The following GALNT9 variants were observed in gnomAD, a reference collection of about 807,000 sequenced individuals.
GALNT9 encodes polypeptide N-acetylgalactosaminyltransferase 9.
GALNT9 carries 47 observed loss-of-function variants against 63.1 expected under a neutral mutation model. The observed-to-expected ratio is 0.75, with a 90% CI of 0.59 to 0.95. The LOEUF is 0.95. Among genes scored for constraint, GALNT9 ranks in the 40% least tolerant of loss-of-function variants. The pLI is 0.00. For synonymous variants in GALNT9, 396 were observed against 365.7 expected (o/e 1.08, Z -0.94); for missense variants, 829 against 874.8 (o/e 0.95, Z 0.66).
chr12:132,304,349 A>G (rs1593116470), intron 1 of GALNT9, among the ~76,000 whole-genome samples: 2 of 96,696 alleles, frequency 2.1e-5, no homozygotes, highest in Non-Finnish European at 4.2e-5. Flanking sequence ...GCCTGGGCAC[A>G]CCCTCACCCG....
intron 5 of GALNT9, among the ~76,000 whole-genome samples, chr12:132,255,550 T>C (rs576029847): frequency 3.5e-4 from 54 of 152,366 alleles, no homozygotes; most frequent in Non-Finnish European, 6.9e-4. Context: ...TCATAAAACC[T>C]CGGTCTCCAC....
Position 132,311,104 on chromosome 12 carries a change from T to C in GALNT9, c.238+17862A>G, listed in dbSNP as rs545495451. Among the ~76,000 whole-genome samples the C allele has an allele frequency of 5.3e-5, 8 of 152,138 alleles. No individual in the cohort carries two copies. In the East Asian group the frequency reaches 1.5e-3, roughly 29 times the overall value. On this transcript the variant is annotated intron_variant, in intron 1 of 10. Transcript: ENST00000328957. ...AACAACATCAACTTCTAAAAAGCAA[T>C]AAATACCTGACAAGATGGCAAGAAA...
chr12:132,319,949 AG>A lies in GALNT9; in HGVS notation c.238+9016del, dbSNP rs548497697. Among the ~76,000 whole-genome samples, 1 of 152,298 alleles carries A rather than the reference AG, an allele frequency of 6.6e-6. No individual in the cohort carries two copies. The highest frequency in any genetic ancestry group is 2.1e-4 in the South Asian group (1 of 4,824). ...CACGAGGCAGGCGCTCCTAAGGAAA[AG>A]GGGGCGGCCAGCGGCCCCCACCGCT... On this transcript the variant is annotated intron_variant, in intron 1 of 10. Coordinates refer to ENST00000328957, the MANE Select transcript of GALNT9 (RefSeq NM_001122636.2). The surrounding 1 kb of genome is among the most constrained non-coding windows in gnomAD (Gnocchi z 5.2).
intron 7 of GALNT9, among the ~76,000 whole-genome samples, chr12:132,201,468 A>G (rs1876107649): frequency 6.6e-6 from 1 of 152,058 alleles, no homozygotes; most frequent in African/African-American, 2.4e-5. Flanking sequence ...CCTGATGGGA[A>G]GGACCCTGCC....
chr12:132,228,314 C>T (rs1475370769), intron 6 of GALNT9, among the ~76,000 whole-genome samples: 1 of 151,852 alleles, frequency 6.6e-6, no homozygotes, highest in East Asian at 1.9e-4. Context: ...CACTCCCTTT[C>T]CCTGAGTGTG....
chr12:132,254,320 T>C (rs1377783160), intron 5 of GALNT9, among the ~76,000 whole-genome samples: 3 of 152,244 alleles, frequency 2.0e-5, no homozygotes, highest in Non-Finnish European at 2.9e-5. Context: ...CCTCCGCTGC[T>C]TTTAATATGC....
At chr12:132,263,569 C>G (rs570214145) in intron 2 of GALNT9, among the ~76,000 whole-genome samples, 2 of 152,168 alleles carry the variant, frequency 1.3e-5, no homozygotes, top group Non-Finnish European at 2.9e-5. Context: ...GGTGGCCCCC[C>G]TCACCGTCCT....
At chr12:132,317,569 G>T (rs532211590) in intron 1 of GALNT9, among the ~76,000 whole-genome samples, 1 of 152,262 alleles carries the variant, frequency 6.6e-6, no homozygotes, top group Admixed American at 6.5e-5. Flanking sequence ...TCTGTTAAAA[G>T]CATTAATTTG....
intron 6 of GALNT9, among the ~76,000 whole-genome samples, chr12:132,210,268 G>A (rs1876896388): frequency 6.6e-6 from 1 of 152,252 alleles, no homozygotes; most frequent in Admixed American, 6.5e-5. Context: ...TGTACATTCA[G>A]GACTGACGTT....
At chr12:132,312,313 G>A (rs1246608213) in intron 1 of GALNT9, among the ~76,000 whole-genome samples, 1 of 152,230 alleles carries the variant, frequency 6.6e-6, no homozygotes, top group African/African-American at 2.4e-5. Flanking sequence ...AAGTATCTGG[G>A]GAGAAGGATT....
chr12:132,307,206 T>C (rs1473573121), intron 1 of GALNT9, among the ~76,000 whole-genome samples: 2 of 152,060 alleles, frequency 1.3e-5, no homozygotes, highest in African/African-American at 4.8e-5. Context: ...GGGACTCGGG[T>C]CCAGAGATGC....
chr12:132,240,787 C>A, intron 6 of GALNT9: 1 of 449,504 alleles, frequency 2.2e-6, no homozygotes, highest in Non-Finnish European at 4.5e-6. Context: ...ATGATCTATA[C>A]ATGTTTACAC....
intron 2 of GALNT9, among the ~76,000 whole-genome samples, chr12:132,271,563 G>A (rs1555240722): frequency 6.6e-6 from 1 of 152,092 alleles, no homozygotes; most frequent in Non-Finnish European, 1.5e-5. Context: ...CGACGTGGGT[G>A]TGACAAGTGT....
intron 1 of GALNT9, among the ~76,000 whole-genome samples, chr12:132,301,666 A>C (rs1258855608): frequency 6.6e-6 from 1 of 152,240 alleles, no homozygotes; most frequent in African/African-American, 2.4e-5. Context: ...CCCTTGGAGG[A>C]GGGACCTGGG....
intron 2 of GALNT9, among the ~76,000 whole-genome samples, chr12:132,268,119 CCACACACACACTCACG>C (rs1879717990): frequency 7.1e-6 from 1 of 141,430 alleles, no homozygotes; most frequent in Non-Finnish European, 1.5e-5. Context: ...ACACACAAAC[CCACACACACACTCACG>C]CTCACACACA....
chr12:132,271,286 GGGA>G (rs1879856322), intron 2 of GALNT9, among the ~76,000 whole-genome samples: 1 of 151,778 alleles, frequency 6.6e-6, no homozygotes, highest in African/African-American at 2.4e-5. Context: ...CGAGGGTGGG[GGGA>G]GGAGGAGACA....
rs782186535 is a variant in GALNT9, at chr12:132,262,452, C to T, written c.586+7G>A. On this transcript the variant is annotated splice_region_variant and intron_variant, in intron 3 of 10. Coordinates refer to ENST00000328957, the MANE Select transcript of GALNT9 (RefSeq NM_001122636.2). ...GCGAGCACCGTGCCGAGGCCCCGCCCACTCACCGTTGTCACTGTTGTCGTC... is the reference window on the plus strand; with the variant it reads ...GCGAGCACCGTGCCGAGGCCCCGCCTACTCACCGTTGTCACTGTTGTCGTC... 7 of 1,548,046 alleles carry T rather than the reference C, an allele frequency of 4.5e-6. No homozygotes were observed. Among genetic ancestry groups the T allele is most frequent in the Non-Finnish European group, 6.1e-6 (7 of 1,145,256 alleles).
At chr12:132,291,061 G>T (rs1169873695) in intron 1 of GALNT9, among the ~76,000 whole-genome samples, 1 of 77,720 alleles carries the variant, frequency 1.3e-5, no homozygotes, top group African/African-American at 4.4e-5. Flanking sequence ...CACATCCTCA[G>T]CACCCACAAC....
intron 1 of GALNT9, among the ~76,000 whole-genome samples, chr12:132,297,879 C>T (rs570683272): frequency 2.4e-4 from 36 of 151,718 alleles, no homozygotes; most frequent in African/African-American, 5.6e-4. Context: ...AACTCACTCC[C>T]GAGATAACCA....
Sources: gnomAD v4.1 joint callset for allele counts (sites outside exome capture counted in the v4.1 genomes callset) on GRCh38, gnomAD v4.1.1 for gene constraint, Gnocchi (gnomAD v3.1) non-coding constraint, MANE v1.5 for transcripts, NCBI Gene and HGNC (gene_info 2026-07-23, HGNC 2026-07-21) for gene names.